MMEL1: variants seen among roughly 807,000 people sequenced by gnomAD.
MMEL1 encodes the protein membrane metalloendopeptidase like 1, also known as membrane metallo-endopeptidase-like 1.
A neutral mutation model predicts 117.1 loss-of-function variants in MMEL1; 98 were observed. The ratio of observed to expected loss-of-function variants is 0.84; its 90% CI spans 0.71 to 0.99. The LOEUF (loss-of-function observed/expected upper bound fraction) is 0.99. MMEL1 is among the 50% of genes least tolerant of loss of function. The pLI, the probability that MMEL1 is intolerant of heterozygous loss-of-function variation, is 0.00. For synonymous variants in MMEL1, 390 were observed against 415.1 expected (o/e 0.94, Z 0.74); for missense variants, 1,014 against 1,049.1 (o/e 0.97, Z 0.46).
intron 11 of MMEL1, 30 bp from the exon 12 acceptor site, chr1:2,598,820 GGAGA>G (rs532677907): frequency 6.3e-7 from 1 of 1,575,678 alleles, no homozygotes; most frequent in Non-Finnish European, 8.7e-7. Flanking sequence ...GGAGAAAGAG[GGAGA>G]GAGAGAGAGG....
At chr1:2,614,917 C>T (rs190495999) in intron 2 of MMEL1, among the ~76,000 whole-genome samples, 1 of 151,656 alleles carries the variant, frequency 6.6e-6, no homozygotes, top group East Asian at 1.9e-4. Flanking sequence ...AAAAAACTCA[C>T]CCCAAATTCA....
chr1:2,598,841 C>G, intron 11 of MMEL1, 51 bp from the exon 12 acceptor site: 1 of 1,511,666 alleles, frequency 6.6e-7, no homozygotes, highest in Non-Finnish European at 9.1e-7. Context: ...GAGGGAGAAA[C>G]AGTTCCTGGG....
In MMEL1 at chr1:2,610,475, C is replaced by G. The variant is rs150815682; in HGVS notation, c.293-644G>C. ...GTGCCAGCTCACAGGAGGTGCTCAG[C>G]TGGTGACCATGCCCTGTAAGCCGGG... On this transcript the variant is annotated intron_variant, in intron 4 of 23. Coordinates refer to ENST00000378412, the MANE Select transcript of MMEL1 (RefSeq NM_033467.4). Among the ~76,000 whole-genome samples the G allele has an allele frequency of 2.0e-3, 298 of 152,320 alleles. 2 individuals carry two copies. The highest frequency in any genetic ancestry group is 4.4e-3 in the African/African-American group (183 of 41,558).
In MMEL1 at chr1:2,609,875, A is replaced by G. The variant is rs374012030; in HGVS notation, c.293-44T>C. Reference sequence around the variant, plus strand: ...TGGAGCAGGGAGAGGGGAGACAGAGAGAGTTGTGGACAGCCCAGAAGCCTG... The same window carrying G: ...TGGAGCAGGGAGAGGGGAGACAGAGGGAGTTGTGGACAGCCCAGAAGCCTG... On this transcript the variant is annotated intron_variant, in intron 4 of 23. Transcript: ENST00000378412. 10 of 1,571,092 alleles carry G rather than the reference A, an allele frequency of 6.4e-6. No individual in the cohort carries two copies. The African/African-American group carries it at 1.3e-4, about 21-fold the overall frequency.
At chr1:2,608,906 C>T (rs867977538) in intron 6 of MMEL1, among the ~76,000 whole-genome samples, 1 of 151,666 alleles carries the variant, frequency 6.6e-6, no homozygotes, top group East Asian at 1.9e-4. Flanking sequence ...CATGCATGAA[C>T]ACATATATAC....
At position 2,598,607 on chromosome 1, in the gene MMEL1, C is replaced by G. The variant is rs747052073; in HGVS notation, c.1178+47G>C. 3 of 1,608,418 alleles carry G rather than the reference C, an allele frequency of 1.9e-6. No homozygotes were observed. In the East Asian group the frequency reaches 6.7e-5, roughly 36 times the overall value. On this transcript the variant is annotated intron_variant, in intron 12 of 23. Coordinates refer to ENST00000378412, the MANE Select transcript of MMEL1 (RefSeq NM_033467.4). ...AGCTGTGTTGGGGAGGATGGGAGAG[C>G]AGGGGCAAAGATGCTGAGGCCTTTG...
At chr1:2,600,697 C>T (rs1355881397) in intron 11 of MMEL1, among the ~76,000 whole-genome samples, 3 of 29,486 alleles carry the variant, frequency 1.0e-4, no homozygotes, top group Admixed American at 9.9e-4. Flanking sequence ...AACAAACAAA[C>T]AAACAAACAA....
intron 13 of MMEL1, among the ~76,000 whole-genome samples, chr1:2,597,337 C>A (rs1455254614): frequency 2.6e-5 from 4 of 152,030 alleles, no homozygotes; most frequent in Non-Finnish European, 4.4e-5. Context: ...ACCTACCCCC[C>A]CATGGCAACA....
At chr1:2,614,426 G>A (rs1645173204) in intron 2 of MMEL1, among the ~76,000 whole-genome samples, 1 of 152,194 alleles carries the variant, frequency 6.6e-6, no homozygotes, top group Non-Finnish European at 1.5e-5. Context: ...CATTGGAATG[G>A]AAAAAGTAAG....
intron 11 of MMEL1, among the ~76,000 whole-genome samples, chr1:2,602,959 G>A (rs1340024232): frequency 1.3e-5 from 2 of 152,184 alleles, no homozygotes; most frequent in African/African-American, 4.8e-5. Flanking sequence ...GATCGAGATA[G>A]GCCTTTGTTT....
chr1:2,592,049 T>C (rs746563675), intron 21 of MMEL1, 22 bp from the exon 22 acceptor site: 1 of 1,603,568 alleles, frequency 6.2e-7, no homozygotes, highest in Non-Finnish European at 8.5e-7. Context: ...AGACAGGAGC[T>C]GAGCTCAGGC....
Position 2,605,593 on chromosome 1 carries a change from G to C in MMEL1, c.781C>G (p.Arg261Gly), listed in dbSNP as rs1435406847. The change falls in exon 9 of 24, where the codon CGA becomes GGA. Residue 261 changes from arginine (R) to glycine (G), a missense_variant. Transcript: ENST00000378412. ...CTGCCGCCGTTGAAGTAGTACTCTCGGGAGGGCATGCCCAAGGTGGGCTGG... is the reference window on the plus strand; with the variant it reads ...CTGCCGCCGTTGAAGTAGTACTCTCCGGAGGGCATGCCCAAGGTGGGCTGG... ...IDQPTLGMPSREYYFNGGSNR... is the reference protein window; with the variant it reads ...IDQPTLGMPSGEYYFNGGSNR... 6.2e-7 allele frequency: 1 copy of C among 1,613,034 alleles called. No homozygotes were observed. Among genetic ancestry groups the C allele is most frequent in the East Asian group, 2.2e-5 (1 of 44,846 alleles).
intron 2 of MMEL1, among the ~76,000 whole-genome samples, chr1:2,621,486 C>A (rs1220024814): frequency 2.0e-5 from 3 of 152,212 alleles, no homozygotes; most frequent in African/African-American, 2.4e-5. Flanking sequence ...TTCCAGCCAA[C>A]TGCTATCAGA....
In MMEL1 at chr1:2,592,673, C is replaced by T. The variant is rs778213405; in HGVS notation, c.2049G>A (p.Gly683=). 2 of 1,607,102 alleles carry T rather than the reference C, an allele frequency of 1.2e-6. No individual in the cohort carries two copies. Among genetic ancestry groups the T allele is most frequent in the Non-Finnish European group, 1.7e-6 (2 of 1,177,372 alleles). ...TLGENIADNG[G]VRQAYKAYLK... ...GCCCCACCTTATAGGCTTGCCGCAC[C>T]CCTCCGTTGTCAGCAATGTTTTCCC... Residue 683 remains glycine (G), a synonymous_variant, in exon 21 of 24, where the codon GGG becomes GGA. Coordinates refer to ENST00000378412, the MANE Select transcript of MMEL1 (RefSeq NM_033467.4).
intron 1 of MMEL1, among the ~76,000 whole-genome samples, chr1:2,632,167 C>T (rs768490736): frequency 2.1e-4 from 30 of 144,576 alleles, no homozygotes; most frequent in Non-Finnish European, 3.8e-4. Context: ...TTCCTTGGCT[C>T]GGCCTCGGGT....
At chr1:2,609,515 G>GC in intron 5 of MMEL1, 96 bp from the exon 6 acceptor site, 2 of 1,509,856 alleles carry the variant, frequency 1.3e-6, no homozygotes, top group East Asian at 2.4e-5. Context: ...GCGAGAGGCG[G>GC]CCCCCCAGCT....
At position 2,617,244 on chromosome 1, in the gene MMEL1, G is replaced by C. The variant is rs367571226; in HGVS notation, c.155-5040C>G. ...AGATCGAGACCATCCCGGCTAACAC[G>C]GTGAAACCCCGTCTCTACTAAAAAT... On this transcript the variant is annotated intron_variant, in intron 2 of 23. Coordinates refer to ENST00000378412, the MANE Select transcript of MMEL1 (RefSeq NM_033467.4). 1.1e-4 allele frequency among the ~76,000 whole-genome samples: 17 copies of C among 152,058 alleles called. No homozygotes were observed. The East Asian group carries it at 2.9e-3, about 26-fold the overall frequency.
chr1:2,597,741 C>T (rs745771115), intron 13 of MMEL1, among the ~76,000 whole-genome samples: 4 of 152,184 alleles, frequency 2.6e-5, no homozygotes, highest in Admixed American at 6.5e-5. Context: ...AGCACCCCTG[C>T]GGCTTTCAGA....
rs983281488 is a variant in MMEL1, at chr1:2,612,592, C to T, written c.155-388G>A. On this transcript the variant is annotated intron_variant, in intron 2 of 23. Coordinates refer to ENST00000378412, the MANE Select transcript of MMEL1 (RefSeq NM_033467.4). The surrounding 1 kb of genome is among the most constrained non-coding windows in gnomAD (Gnocchi z 5.4). ...CTGACAAGGCCCACACAAGGTGGCA[C>T]GCTCCTGGAGTCCCACAGGGCAGGC... 3.3e-5 allele frequency among the ~76,000 whole-genome samples: 5 copies of T among 152,176 alleles called. No homozygotes were observed. Among genetic ancestry groups the T allele is most frequent in the East Asian group, 1.9e-4 (1 of 5,190 alleles).
Sources: allele counts gnomAD v4.1 joint callset (sites outside exome capture counted in the v4.1 genomes callset), GRCh38; gene constraint gnomAD v4.1.1; non-coding constraint Gnocchi (gnomAD v3.1); transcripts MANE v1.5; gene names NCBI Gene and HGNC (gene_info 2026-07-23, HGNC 2026-07-21).